GRIP1: variants seen among roughly 807,000 people sequenced by gnomAD.
GRIP1 encodes glutamate receptor interacting protein 1.
Under a neutral mutation model 129.9 loss-of-function variants are expected in GRIP1, and 45 were observed. The ratio of observed to expected loss-of-function variants is 0.35; its 90% CI spans 0.27 to 0.44. The LOEUF is 0.44. GRIP1 is among the 20% of genes least tolerant of loss of function. The pLI is 1.00. For missense variants in GRIP1, 1,196 were observed against 1,396.8 expected (o/e 0.86, Z 2.29); for synonymous variants, 530 against 520.8 (o/e 1.02, Z -0.24).
chr12:67,051,049 G>C (rs542032281), intron 1 of GRIP1, among the ~76,000 whole-genome samples: 1 of 152,264 alleles, frequency 6.6e-6, no homozygotes, highest in African/African-American at 2.4e-5. Context: ...ACGGAGGAGA[G>C]ACAGACCAGC....
rs182167225 is a variant in GRIP1, at chr12:66,429,025, C to T, written c.1768+3523G>A. Among the ~76,000 whole-genome samples, 342 of 152,316 alleles carry T rather than the reference C, an allele frequency of 2.2e-3. 1 individual carries two copies. Among genetic ancestry groups the T allele is most frequent in the African/African-American group, 7.8e-3 (323 of 41,570 alleles). On this transcript the variant is annotated intron_variant, in intron 14 of 24. Transcript: ENST00000359742. ...ACTTTATTTGCTACAATAAATCACT[C>T]TATATTACAGCAATAACATCAATAA...
At chr12:66,719,584 C>A (rs2035996993) in intron 1 of GRIP1, among the ~76,000 whole-genome samples, 1 of 152,090 alleles carries the variant, frequency 6.6e-6, no homozygotes, top group African/African-American at 2.4e-5. Context: ...CATCTTTTTC[C>A]AATTTACCAT....
intron 1 of GRIP1, among the ~76,000 whole-genome samples, chr12:67,057,555 G>A (rs908198003): frequency 1.3e-5 from 2 of 152,124 alleles, no homozygotes; most frequent in African/African-American, 4.8e-5. Flanking sequence ...GGGTCTGGGA[G>A]GGTAAGGGTC....
intron 1 of GRIP1, among the ~76,000 whole-genome samples, chr12:66,698,559 C>T (rs1038186076): frequency 5.3e-5 from 8 of 152,206 alleles, no homozygotes; most frequent in Admixed American, 2.6e-4. Flanking sequence ...CACCAACCCG[C>T]AAGTCTCCTA....
At chr12:66,492,816 C>G (rs1057032257) in intron 7 of GRIP1, among the ~76,000 whole-genome samples, 6 of 152,066 alleles carry the variant, frequency 3.9e-5, no homozygotes, top group Non-Finnish European at 8.8e-5. Context: ...TCAAGACCAG[C>G]CTGGCCAACA....
Position 66,507,714 on chromosome 12 carries a change from C to G in GRIP1, c.724+7905G>C, listed in dbSNP as rs1002020772. On this transcript the variant is annotated intron_variant, in intron 7 of 24. Transcript: ENST00000359742. ...TAAAGGCGTATAAGTAAGGACTACC[C>G]ATGTAGCTGCTGGGCAAAGATATAA... is the stretch of plus-strand genomic sequence containing the variant. 3.3e-5 allele frequency among the ~76,000 whole-genome samples: 5 copies of G among 152,088 alleles called. No homozygotes were observed. In the South Asian group the frequency reaches 1.0e-3, roughly 32 times the overall value.
intron 1 of GRIP1, among the ~76,000 whole-genome samples, chr12:66,715,772 G>A (rs1290587592): frequency 6.6e-6 from 1 of 152,032 alleles, no homozygotes; most frequent in Non-Finnish European, 1.5e-5. Flanking sequence ...AATACAGTGG[G>A]AGCTTTGATA....
chr12:66,765,084 T>G (rs2037591443), intron 1 of GRIP1, among the ~76,000 whole-genome samples: 1 of 152,202 alleles, frequency 6.6e-6, no homozygotes, highest in Non-Finnish European at 1.5e-5. Flanking sequence ...AGTGCAGAAC[T>G]GAAAGGAGGT....
chr12:66,362,771 GATGT>G (rs1490699961), intron 23 of GRIP1, among the ~76,000 whole-genome samples: 1 of 151,758 alleles, frequency 6.6e-6, no homozygotes, highest in East Asian at 1.9e-4. Context: ...GAAGCGATAA[GATGT>G]ATGATCAAGC....
chr12:66,418,870 T>C (rs1370172846), intron 15 of GRIP1, among the ~76,000 whole-genome samples: 1 of 152,092 alleles, frequency 6.6e-6, no homozygotes, highest in Non-Finnish European at 1.5e-5. Context: ...ACAAGCACCA[T>C]AAAAACAGCT....
At chr12:66,632,553 A>G (rs1185420245) in intron 1 of GRIP1, among the ~76,000 whole-genome samples, 2 of 152,202 alleles carry the variant, frequency 1.3e-5, no homozygotes, top group African/African-American at 4.8e-5. Flanking sequence ...AGTGAGAACC[A>G]AATTCCATTC....
chr12:66,523,792 T>TGG (rs2061114835), intron 5 of GRIP1, among the ~76,000 whole-genome samples: 1 of 152,008 alleles, frequency 6.6e-6, no homozygotes, highest in African/African-American at 2.4e-5. Flanking sequence ...CCATCTCACA[T>TGG]GCAGAGACAC....
chr12:66,446,504 G>A (rs2058633959), intron 11 of GRIP1, among the ~76,000 whole-genome samples: 1 of 152,166 alleles, frequency 6.6e-6, no homozygotes, highest in African/African-American at 2.4e-5. Context: ...CAGGAAGACA[G>A]GTTCATAATA....
At chr12:66,445,155 C>G (rs2058585180) in intron 12 of GRIP1, among the ~76,000 whole-genome samples, 167 bp downstream of exon 12, 1 of 152,208 alleles carries the variant, frequency 6.6e-6, no homozygotes, top group African/African-American at 2.4e-5. Context: ...ATGCTCATTA[C>G]TCTTTTCAAA....
At chr12:66,655,061 T>C (rs1385462867) in intron 1 of GRIP1, among the ~76,000 whole-genome samples, 1 of 152,226 alleles carries the variant, frequency 6.6e-6, no homozygotes, top group Non-Finnish European at 1.5e-5. Flanking sequence ...ATTTCACAAA[T>C]GTATATCTTT....
chr12:66,622,258 C>T (rs2065301557), intron 1 of GRIP1, among the ~76,000 whole-genome samples: 1 of 151,788 alleles, frequency 6.6e-6, no homozygotes, highest in African/African-American at 2.4e-5. Context: ...CAAATAAATT[C>T]CAAACAAATA....
intron 1 of GRIP1, among the ~76,000 whole-genome samples, chr12:66,774,490 A>G (rs2037917629): frequency 6.6e-6 from 1 of 152,242 alleles, no homozygotes; most frequent in Non-Finnish European, 1.5e-5. Context: ...AAAGAATGGA[A>G]TGTAACAGGG....
chr12:66,672,161 T>C (rs1040916339), intron 1 of GRIP1, among the ~76,000 whole-genome samples: 22 of 152,250 alleles, frequency 1.4e-4, no homozygotes, highest in African/African-American at 5.1e-4. Flanking sequence ...ATTATTATGA[T>C]GACAACATAT....
chr12:66,531,245 AAAAAAAAATATATATATATATATAT>A (rs2061437593), intron 4 of GRIP1, among the ~76,000 whole-genome samples: 2 of 54,938 alleles, frequency 3.6e-5, no homozygotes, highest in African/African-American at 8.8e-5. Context: ...CAAAAAAAAA[AAAAAAAAATATATATATATATATAT>A]ATATATATAT....
Sources: allele counts gnomAD v4.1 joint callset (sites outside exome capture counted in the v4.1 genomes callset), GRCh38; gene constraint gnomAD v4.1.1; transcripts MANE v1.5; gene names NCBI Gene and HGNC (gene_info 2026-07-23, HGNC 2026-07-21).